The following SV2B variants were observed in gnomAD, a reference collection of about 807,000 sequenced individuals.
SV2B encodes synaptic vesicle glycoprotein 2B, also known as solute carrier family 22 member B2.
A neutral mutation model predicts 73.9 loss-of-function variants in SV2B; 41 were observed. The observed-to-expected ratio is 0.56, with a 90% CI of 0.43 to 0.72. The LOEUF (loss-of-function observed/expected upper bound fraction) is 0.72. Among genes scored for constraint, SV2B ranks in the 30% least tolerant of loss-of-function variants. SV2B has a pLI of 0.00. For synonymous variants in SV2B, 314 were observed against 314.2 expected (o/e 1.00, Z 0.01); for missense variants, 764 against 857.8 (o/e 0.89, Z 1.37).
In SV2B at chr15:91,214,814, C is replaced by G. The variant is rs1026139697; in HGVS notation, c.-391-11059C>G. On this transcript the variant is annotated intron_variant, in intron 1 of 12. Coordinates refer to ENST00000394232, the MANE Select transcript of SV2B (RefSeq NM_001323032.3). This position sits in a 1 kb window ranked among gnomAD's most constrained non-coding sequence, Gnocchi z 4.7. ...GTGTGCTTGACTCCTTAGTCCATGG[C>G]TATAGCCACAGTGGTTCTCCTCGTT... 6.6e-6 allele frequency among the ~76,000 whole-genome samples: 1 copy of G among 152,222 alleles called. No homozygotes were observed. The highest frequency in any genetic ancestry group is 2.4e-5 in the African/African-American group (1 of 41,454).
intron 1 of SV2B, among the ~76,000 whole-genome samples, chr15:91,119,896 C>T (rs147782381): frequency 3.9e-5 from 6 of 152,216 alleles, no homozygotes; most frequent in African/African-American, 1.4e-4. Context: ...ATTGTTTTTC[C>T]ATGCTGTATG....
At chr15:91,260,442 G>A (rs1039810088) in intron 6 of SV2B, 33 bp downstream of exon 6, 1 of 1,537,258 alleles carries the variant, frequency 6.5e-7, no homozygotes, top group Admixed American at 2.0e-5. Context: ...ATAAGAAGGG[G>A]GTTCTCCTCT....
intron 1 of SV2B, among the ~76,000 whole-genome samples, chr15:91,201,112 T>C (rs1320009533): frequency 6.6e-6 from 1 of 152,164 alleles, no homozygotes; most frequent in Non-Finnish European, 1.5e-5. Context: ...TCCCCCACCC[T>C]CTCAACTTCC....
rs977649315 is a variant in SV2B at position 91,252,002 on chromosome 15, A to T, written c.632+3A>T. 1 of 1,613,764 alleles carries T rather than the reference A, an allele frequency of 6.2e-7. No individual in the cohort carries two copies. The highest frequency in any genetic ancestry group is 1.3e-5 in the African/African-American group (1 of 74,896). Reference sequence around the variant, plus strand: ...TGCCGACTCATCTCAGGCATCGGGTATGTTCTTAGGGAGGTGGAGCTGGAC... The same window carrying T: ...TGCCGACTCATCTCAGGCATCGGGTTTGTTCTTAGGGAGGTGGAGCTGGAC... On this transcript the variant is annotated splice_donor_region_variant and intron_variant, in intron 3 of 12. Coordinates refer to ENST00000394232, the MANE Select transcript of SV2B (RefSeq NM_001323032.3). The surrounding 1 kb of genome is among the most constrained non-coding windows in gnomAD (Gnocchi z 4.6).
rs529025993 is a variant in SV2B at position 91,292,623 on chromosome 15, C to T, written c.*71C>T. On this transcript the variant is annotated 3_prime_UTR_variant, in exon 13 of 13. Coordinates refer to ENST00000394232, the MANE Select transcript of SV2B (RefSeq NM_001323032.3). ...ACTGAAATGCATCCACACTTCCTGCCTATCACGGTCCGGAGGACACCTTGG... is the reference window on the plus strand; with the variant it reads ...ACTGAAATGCATCCACACTTCCTGCTTATCACGGTCCGGAGGACACCTTGG... 1.3e-6 allele frequency: 2 copies of T among 1,536,266 alleles called. No homozygotes were observed. Among genetic ancestry groups the T allele is most frequent in the East Asian group, 2.3e-5 (1 of 43,576 alleles).
intron 1 of SV2B, among the ~76,000 whole-genome samples, chr15:91,191,651 A>T (rs1020538156): frequency 1.3e-5 from 2 of 152,136 alleles, no homozygotes; most frequent in African/African-American, 4.8e-5. Context: ...GCTCAAATAC[A>T]ATTTATCTTG....
rs1567282238 is a variant in SV2B at position 91,137,645 on chromosome 15, C to CATATATTTCATATATATAT, written c.-392+37288_-392+37289insTTCATATATATATATATAT. Among the ~76,000 whole-genome samples the CATATATTTCATATATATAT allele has an allele frequency of 3.3e-5, 2 of 60,618 alleles. No individual in the cohort carries two copies. Among genetic ancestry groups the CATATATTTCATATATATAT allele is most frequent in the Non-Finnish European group, 3.3e-5 (1 of 29,888 alleles). The allele number at this position is 60,618 out of a possible 152,430, so 39.8% of individuals were successfully genotyped here. A position where few individuals can be genotyped will look rare whatever the true frequency, so the allele number is the denominator to read the frequency against. On this transcript the variant is annotated intron_variant, in intron 1 of 12. Transcript: ENST00000394232. This position sits in a 1 kb window ranked among gnomAD's most constrained non-coding sequence, Gnocchi z 4.9. ...CATATATACATATATTTCATATATACATATATATTTCATATATACATATAT... is the reference window on the plus strand; with the variant it reads ...CATATATACATATATTTCATATATACATATATTTCATATATATATATATATATTTCATATATACATATAT...
chr15:91,185,479 A>T (rs2044735145), intron 1 of SV2B, among the ~76,000 whole-genome samples: 1 of 152,166 alleles, frequency 6.6e-6, no homozygotes, highest in South Asian at 2.1e-4. Context: ...CATTGATGAG[A>T]AGGGTCCTGG....
At chr15:91,260,748 G>A (rs976015528) in intron 6 of SV2B, among the ~76,000 whole-genome samples, 3 of 152,138 alleles carry the variant, frequency 2.0e-5, no homozygotes, top group Non-Finnish European at 4.4e-5. Context: ...TTACAGTTCC[G>A]CATGGCTGGG....
chr15:91,217,511 A>G (rs533308821), intron 1 of SV2B, among the ~76,000 whole-genome samples: 2 of 152,182 alleles, frequency 1.3e-5, no homozygotes, highest in Non-Finnish European at 2.9e-5. Context: ...ACATGTATAC[A>G]TATGTAACAA....
In SV2B at chr15:91,220,203, C is replaced by G. The variant is rs910065419; in HGVS notation, c.-391-5670C>G. ...AAACTGACGAACTAGCTTCCAAAGG[C>G]TATTTTACATGCCCACTGTCAGTTT... On this transcript the variant is annotated intron_variant, in intron 1 of 12. Coordinates refer to ENST00000394232, the MANE Select transcript of SV2B (RefSeq NM_001323032.3). This position sits in a 1 kb window ranked among gnomAD's most constrained non-coding sequence, Gnocchi z 4.1. Among the ~76,000 whole-genome samples the G allele has an allele frequency of 6.6e-6, 1 of 152,202 alleles. No individual in the cohort carries two copies. The highest frequency in any genetic ancestry group is 2.4e-5 in the African/African-American group (1 of 41,444).
chr15:91,209,054 T>C (rs73515583), intron 1 of SV2B, among the ~76,000 whole-genome samples: 5,117 of 151,528 alleles, frequency 0.034, 234 homozygotes, highest in East Asian at 0.12. Context: ...GACTCTGTCC[T>C]CAAGTTGCTT....
chr15:91,156,141 G>A (rs1447309139), intron 1 of SV2B, among the ~76,000 whole-genome samples: 1 of 152,142 alleles, frequency 6.6e-6, no homozygotes, highest in Non-Finnish European at 1.5e-5. Flanking sequence ...GGGGATGAAT[G>A]TCTCATAGGG....
rs1375542293 is a variant in SV2B, at chr15:91,129,945, C to A, written c.-392+29582C>A. 6.6e-6 allele frequency among the ~76,000 whole-genome samples: 1 copy of A among 152,096 alleles called. No individual in the cohort carries two copies. Among genetic ancestry groups the A allele is most frequent in the African/African-American group, 2.4e-5 (1 of 41,406 alleles). ...GCTTAGCTCAGTGCCTGGTCCTTGGCAAAGGCTCAGCAAAGGGAGGTGATA... is the reference window on the plus strand; with the variant it reads ...GCTTAGCTCAGTGCCTGGTCCTTGGAAAAGGCTCAGCAAAGGGAGGTGATA... On this transcript the variant is annotated intron_variant, in intron 1 of 12. Coordinates refer to ENST00000394232, the MANE Select transcript of SV2B (RefSeq NM_001323032.3). This position sits in a 1 kb window ranked among gnomAD's most constrained non-coding sequence, Gnocchi z 5.1.
chr15:91,174,848 G>C (rs993806993), intron 1 of SV2B, among the ~76,000 whole-genome samples: 1 of 152,228 alleles, frequency 6.6e-6, no homozygotes, highest in Admixed American at 6.5e-5. Context: ...GATTCAGCTG[G>C]AGGGACAGAC....
At chr15:91,215,083 G>C (rs929179743) in intron 1 of SV2B, among the ~76,000 whole-genome samples, 76 of 152,290 alleles carry the variant, frequency 5.0e-4, no homozygotes, top group African/African-American at 1.7e-3. Flanking sequence ...TCTCCTCTTG[G>C]AGAGCTCACA....
chr15:91,191,063 C>CTTTTTTTTGTTTTTTTTTTTTTTTTTTT (rs2044996644), intron 1 of SV2B, among the ~76,000 whole-genome samples: 3 of 64,238 alleles, frequency 4.7e-5, no homozygotes, highest in East Asian at 7.8e-4. Context: ...TTTGGTGTTT[C>CTTTTTTTTGTTTTTTTTTTTTTTTTTTT]TTTTTTTTTT....
At chr15:91,235,602 A>G (rs960540109) in intron 2 of SV2B, among the ~76,000 whole-genome samples, 5 of 152,188 alleles carry the variant, frequency 3.3e-5, no homozygotes, top group South Asian at 2.1e-4. Context: ...CACTCATTTT[A>G]TCATGTGAGA....
At chr15:91,209,175 G>A (rs972078793) in intron 1 of SV2B, among the ~76,000 whole-genome samples, 2 of 142,448 alleles carry the variant, frequency 1.4e-5, no homozygotes, top group African/African-American at 2.7e-5. Context: ...AGGCTGGAGT[G>A]CAGTGGCATG....
Sources: gnomAD v4.1 joint callset for allele counts (sites outside exome capture counted in the v4.1 genomes callset) on GRCh38, gnomAD v4.1.1 for gene constraint, Gnocchi (gnomAD v3.1) non-coding constraint, MANE v1.5 for transcripts, NCBI Gene and HGNC (gene_info 2026-07-23, HGNC 2026-07-21) for gene names.